HMGCLL1: variants seen among roughly 807,000 people sequenced by gnomAD.
HMGCLL1 encodes the protein 3-hydroxy-3-methylglutaryl-CoA lyase like 1, also known as 3-hydroxymethyl-3-methylglutaryl-CoA lyase, cytoplasmic.
HMGCLL1 carries 36 observed loss-of-function variants against 39.1 expected under a neutral mutation model. The ratio of observed to expected loss-of-function variants is 0.92; its 90% CI spans 0.71 to 1.22. The LOEUF is 1.22. Ranked by LOEUF, HMGCLL1 falls within the 50% of genes most tolerant of loss-of-function variation. The pLI is 0.00. For missense variants in HMGCLL1, 451 were observed against 416.5 expected (o/e 1.08, Z -0.72); for synonymous variants, 149 against 144.0 (o/e 1.03, Z -0.25).
the HMGCLL1 span, among the ~76,000 whole-genome samples, chr6:55,641,296 A>G: frequency 6.6e-6 from 1 of 151,876 alleles, no homozygotes; most frequent in African/African-American, 2.4e-5. Flanking sequence ...ATATATAATT[A>G]ATTTTCTATT....
chr6:55,598,514 C>G, the HMGCLL1 span, among the ~76,000 whole-genome samples: 4 of 152,142 alleles, frequency 2.6e-5, no homozygotes, highest in African/African-American at 9.7e-5. Context: ...ACCACGCTAA[C>G]ATAGCTGAAA....
chr6:55,647,260 T>C, the HMGCLL1 span, among the ~76,000 whole-genome samples: 2 of 151,980 alleles, frequency 1.3e-5, no homozygotes, highest in Non-Finnish European at 2.9e-5. Flanking sequence ...ATGTCTTTTT[T>C]TATCCCTATT....
intron 7 of HMGCLL1, among the ~76,000 whole-genome samples, chr6:55,476,004 T>C (rs1765268392): frequency 6.6e-6 from 1 of 151,678 alleles, no homozygotes; most frequent in African/African-American, 2.4e-5. Context: ...TATTAAGATT[T>C]GTTATCTGAT....
chr6:55,564,026 G>A (rs1473340944), intron 1 of HMGCLL1: 2 of 466,794 alleles, frequency 4.3e-6, no homozygotes, highest in African/African-American at 2.0e-5. Context: ...TGGAAAGGCA[G>A]CAAAGCCTCA....
chr6:55,632,219 C>G, the HMGCLL1 span, among the ~76,000 whole-genome samples: 1 of 151,990 alleles, frequency 6.6e-6, no homozygotes, highest in Non-Finnish European at 1.5e-5. Context: ...CCTCACATTT[C>G]ACCTTAGTAA....
chr6:55,597,280 A>G, the HMGCLL1 span, among the ~76,000 whole-genome samples: 1 of 152,124 alleles, frequency 6.6e-6, no homozygotes, highest in African/African-American at 2.4e-5. Flanking sequence ...ATATACTTTT[A>G]AAAAGATTAT....
chr6:55,469,628 G>A lies in HMGCLL1; in HGVS notation c.795+25791C>T, dbSNP rs533674492. On this transcript the variant is annotated intron_variant, in intron 7 of 8. Transcript: ENST00000274901. The stretch of plus-strand genomic sequence containing the variant: ...AGTCGAGAGGAAAAGAAGAGAGGAT[G>A]AGGAAAGAGAATAAATGACTTGCTA... Among the ~76,000 whole-genome samples, 25 of 151,494 alleles carry A rather than the reference G, an allele frequency of 1.7e-4. 1 individual carries two copies. In the South Asian group the frequency reaches 4.0e-3, roughly 24 times the overall value.
chr6:55,456,363 A>G (rs1318063761), intron 7 of HMGCLL1, among the ~76,000 whole-genome samples: 1 of 152,230 alleles, frequency 6.6e-6, no homozygotes, highest in Non-Finnish European at 1.5e-5. Context: ...ATGAAAATAT[A>G]TGAGATAAAA....
At chr6:55,556,315 G>A (rs1770663759) in intron 1 of HMGCLL1, among the ~76,000 whole-genome samples, 2 of 152,168 alleles carry the variant, frequency 1.3e-5, no homozygotes, top group South Asian at 4.1e-4. Context: ...TGTAAGAATT[G>A]TGTTTTGAGC....
the HMGCLL1 span, among the ~76,000 whole-genome samples, chr6:55,627,417 T>G: frequency 6.6e-6 from 1 of 152,030 alleles, no homozygotes; most frequent in Non-Finnish European, 1.5e-5. Flanking sequence ...TTAGGCGTAA[T>G]TATAACCTCA....
At chr6:55,543,435 T>TAA (rs1561951335) in intron 1 of HMGCLL1, among the ~76,000 whole-genome samples, 10 of 53,694 alleles carry the variant, frequency 1.9e-4, no homozygotes, top group African/African-American at 8.7e-4. Context: ...ATATCATATA[T>TAA]CATATATGAT....
At chr6:55,598,324 T>A in the HMGCLL1 span, among the ~76,000 whole-genome samples, 1 of 152,114 alleles carries the variant, frequency 6.6e-6, no homozygotes, top group African/African-American at 2.4e-5. Flanking sequence ...ACAAAAAAAA[T>A]TAGAGAGCAA....
chr6:55,545,548 C>T lies in HMGCLL1; in HGVS notation c.109-3408G>A, dbSNP rs115594190. ...ATGATCAACAAGTAATTATTGAGTA[C>T]AGTCCATATGTCATGCATTGGGCTG... On this transcript the variant is annotated intron_variant, in intron 1 of 8. Transcript: ENST00000274901. Among the ~76,000 whole-genome samples the T allele has an allele frequency of 6.1e-3, 925 of 152,124 alleles. 11 individuals are homozygous for T. The highest frequency in any genetic ancestry group is 0.02 in the African/African-American group (830 of 41,514).
At chr6:55,448,704 T>C (rs1209699833) in intron 7 of HMGCLL1, among the ~76,000 whole-genome samples, 2 of 152,180 alleles carry the variant, frequency 1.3e-5, no homozygotes, top group Non-Finnish European at 2.9e-5. Context: ...TCACTTTACT[T>C]CTACAGCCAT....
chr6:55,608,071 C>T, the HMGCLL1 span, among the ~76,000 whole-genome samples: 1 of 152,306 alleles, frequency 6.6e-6, no homozygotes, highest in African/African-American at 2.4e-5. Flanking sequence ...CCTTAATACA[C>T]ATTAATTTGC....
chr6:55,638,407 CAAAA>C, the HMGCLL1 span, among the ~76,000 whole-genome samples: 3 of 132,764 alleles, frequency 2.3e-5, no homozygotes, highest in Admixed American at 7.6e-5. Context: ...AACTCAGTCT[CAAAA>C]AAAAAAAAAA....
intron 1 of HMGCLL1, among the ~76,000 whole-genome samples, chr6:55,555,944 G>A (rs1220301996): frequency 1.3e-5 from 2 of 152,110 alleles, no homozygotes; most frequent in Non-Finnish European, 2.9e-5. Flanking sequence ...ATGAGGTAGA[G>A]TTGAACATTT....
At chr6:55,514,491 A>T (rs1298470159) in intron 4 of HMGCLL1, among the ~76,000 whole-genome samples, 1 of 152,214 alleles carries the variant, frequency 6.6e-6, no homozygotes, top group Non-Finnish European at 1.5e-5. Flanking sequence ...ATCTTCAGAA[A>T]TACTGTAAGC....
At chr6:55,590,246 C>T in the HMGCLL1 span, among the ~76,000 whole-genome samples, 13,250 of 151,804 alleles carry the variant, frequency 0.087, 725 homozygotes, top group African/African-American at 0.15. Flanking sequence ...AGAAATAATG[C>T]CACACATCTA....
Sources: allele counts gnomAD v4.1 joint callset (sites outside exome capture counted in the v4.1 genomes callset), GRCh38; gene constraint gnomAD v4.1.1; transcripts MANE v1.5; gene names NCBI Gene and HGNC (gene_info 2026-07-23, HGNC 2026-07-21).